KAT6A: variants seen among roughly 807,000 people sequenced by gnomAD.
KAT6A encodes lysine acetyltransferase 6A.
A neutral mutation model predicts 198.4 loss-of-function variants in KAT6A; 9 were observed. The ratio of observed to expected loss-of-function variants is 0.05; its 90% CI spans 0.03 to 0.08. The LOEUF (loss-of-function observed/expected upper bound fraction) is 0.08, where lower values mean the gene tolerates loss of function less well. Among genes scored for constraint, KAT6A ranks in the 10% least tolerant of loss-of-function variants. The pLI is 1.00. For synonymous variants in KAT6A, 890 were observed against 883.0 expected (o/e 1.01, Z -0.14); for missense variants, 2,077 against 2,509.9 (o/e 0.83, Z 3.69).
intron 2 of KAT6A, among the ~76,000 whole-genome samples, chr8:42,009,296 G>C (rs1476199233): frequency 1.3e-5 from 2 of 151,860 alleles, no homozygotes; most frequent in Admixed American, 6.6e-5. Context: ...AATATTAAAA[G>C]GTAATGCTAT....
Position 41,946,539 on chromosome 8 carries a change from CACAG to C in KAT6A, c.1996+48_1996+51del, listed in dbSNP as rs1416789873. The C allele has an allele frequency of 2.4e-5, 21 of 876,744 alleles. No homozygotes were observed. The East Asian group carries it at 4.9e-4, about 21-fold the overall frequency. 54.3% of individuals were successfully genotyped at this position (876,744 alleles called of 1,614,324 possible). ...ACACACACACACACACACACACACA[CACAG>C]AGAAGGTCCACTGGAAAAGACCAAT... On this transcript the variant is annotated intron_variant, in intron 12 of 16. Coordinates refer to ENST00000265713, the MANE Select transcript of KAT6A (RefSeq NM_006766.5).
chr8:41,979,997 G>A (rs1824267435), intron 5 of KAT6A, among the ~76,000 whole-genome samples: 1 of 152,154 alleles, frequency 6.6e-6, no homozygotes. Flanking sequence ...GGTGGAATAA[G>A]TGAATTCAAG....
intron 15 of KAT6A, 139 bp from the exon 16 acceptor site, chr8:41,937,707 A>G (rs1821924361): frequency 1.6e-6 from 1 of 633,234 alleles, no homozygotes; most frequent in Non-Finnish European, 2.7e-6. Context: ...TTTGAATATT[A>G]TTTCAAAATA....
intron 14 of KAT6A, among the ~76,000 whole-genome samples, chr8:41,941,658 T>G (rs967154271): frequency 2.0e-5 from 3 of 152,174 alleles, no homozygotes; most frequent in African/African-American, 7.2e-5. Flanking sequence ...TCATATGAAG[T>G]ATTACCACTA....
At chr8:42,049,360 A>C (rs910631348) in intron 1 of KAT6A, 58 bp from the exon 2 acceptor site, 1 of 241,290 alleles carries the variant, frequency 4.1e-6, no homozygotes, top group Non-Finnish European at 8.1e-6. Context: ...GAATGAAAAT[A>C]AGCATCCTCA....
At chr8:42,014,931 C>T (rs892688101) in intron 2 of KAT6A, among the ~76,000 whole-genome samples, 1 of 152,080 alleles carries the variant, frequency 6.6e-6, no homozygotes, top group Admixed American at 6.5e-5. Flanking sequence ...TTCAGGATTA[C>T]GCTAGGAAAG....
At chr8:41,997,401 G>C (rs1317635591) in intron 2 of KAT6A, among the ~76,000 whole-genome samples, 1 of 151,854 alleles carries the variant, frequency 6.6e-6, no homozygotes, top group Non-Finnish European at 1.5e-5. Flanking sequence ...AAATATAATT[G>C]TAGCCCATCA....
intron 2 of KAT6A, among the ~76,000 whole-genome samples, chr8:42,036,378 A>G (rs1424999478): frequency 6.6e-6 from 1 of 152,162 alleles, no homozygotes; most frequent in Non-Finnish European, 1.5e-5. Flanking sequence ...TGGGAGGCCA[A>G]GGTGGGCAGA....
At chr8:41,947,537 C>T (rs1822458480) in intron 11 of KAT6A, among the ~76,000 whole-genome samples, 1 of 152,138 alleles carries the variant, frequency 6.6e-6, no homozygotes. Flanking sequence ...TGAGTATTGC[C>T]AGCAGTCCAT....
Position 41,977,164 on chromosome 8 carries a change from T to C in KAT6A, c.1207A>G (p.Asn403Asp). ...CRDSNVSLKF[N>D]KKTKGLIDGL... is the part of the protein sequence containing the mutation. The stretch of plus-strand genomic sequence containing the variant: ...TCAATGAGCCCTTTGGTTTTCTTGT[T>C]GAACTTCAAGGAGACATTGCTATCT... Residue 403 changes from asparagine to aspartate, a missense_variant, in exon 7 of 17, where the codon AAC becomes GAC. Around this residue, in one of 13 missense-constraint regions of KAT6A, gnomAD observed 206 missense variants for 214.9 expected, o/e 0.96. Transcript: ENST00000265713. 4 of 1,614,186 alleles carry C rather than the reference T, an allele frequency of 2.5e-6. No individual in the cohort carries two copies. Among genetic ancestry groups the C allele is most frequent in the Non-Finnish European group, 3.4e-6 (4 of 1,180,016 alleles).
rs143069881 is a variant in KAT6A, at chr8:41,975,474, T to C, written c.1364-652A>G. Among the ~76,000 whole-genome samples the C allele has an allele frequency of 2.2e-3, 337 of 152,320 alleles. 1 individual carries two copies. The highest frequency in any genetic ancestry group is 7.8e-3 in the African/African-American group (325 of 41,574). On this transcript the variant is annotated intron_variant, in intron 7 of 16. Coordinates refer to ENST00000265713, the MANE Select transcript of KAT6A (RefSeq NM_006766.5). ...GAAGATGACACTGCTGTTGGGCTCA[T>C]TTGCTCTCTTTATAAGTATGGCTGA...
chr8:41,943,552 C>CAT (rs1302976477), intron 13 of KAT6A, among the ~76,000 whole-genome samples, 196 bp downstream of exon 13: 1 of 151,884 alleles, frequency 6.6e-6, no homozygotes, highest in African/African-American at 2.4e-5. Context: ...GTTTAAAAAG[C>CAT]ATATATATAG....
chr8:42,000,268 T>C (rs533815816), intron 2 of KAT6A, among the ~76,000 whole-genome samples: 62 of 152,302 alleles, frequency 4.1e-4, no homozygotes, highest in Non-Finnish European at 8.1e-4. Flanking sequence ...GAAGTGATGG[T>C]TGCCAGGCCC....
At chr8:41,998,396 C>T (rs756137933) in intron 2 of KAT6A, among the ~76,000 whole-genome samples, 4 of 152,104 alleles carry the variant, frequency 2.6e-5, no homozygotes, top group African/African-American at 7.2e-5. Flanking sequence ...TGTTCTAAAA[C>T]GTATGGTTCT....
chr8:41,940,545 T>C (rs929092759), intron 15 of KAT6A, among the ~76,000 whole-genome samples: 3 of 152,190 alleles, frequency 2.0e-5, no homozygotes, highest in African/African-American at 7.2e-5. Flanking sequence ...AAAGTCATGA[T>C]TTGAACATCA....
chr8:42,047,367 CAGAGT>C (rs1370347454), intron 2 of KAT6A, among the ~76,000 whole-genome samples: 3 of 152,146 alleles, frequency 2.0e-5, no homozygotes, highest in Non-Finnish European at 4.4e-5. Flanking sequence ...TAAAACACAA[CAGAGT>C]AAAGTACACA....
chr8:41,970,651 G>C (rs893169419), intron 8 of KAT6A, among the ~76,000 whole-genome samples: 6 of 152,194 alleles, frequency 3.9e-5, no homozygotes, highest in African/African-American at 1.4e-4. Flanking sequence ...AAGAATCATG[G>C]AAGACAGTGT....
chr8:41,965,457 A>G (rs1351127581), intron 8 of KAT6A, among the ~76,000 whole-genome samples: 1 of 152,230 alleles, frequency 6.6e-6, no homozygotes, highest in East Asian at 1.9e-4. Context: ...TATGCCCTCA[A>G]AAATGACTTT....
rs369725378 is a variant in KAT6A, at chr8:41,934,283, C to G, written c.3937G>C (p.Asp1313His). The part of the protein sequence containing the change: ...DAAAETAQND[D>H]HDADDEDDGH... ...TCATCCTCATCATCAGCGTCGTGGT[C>G]GTCATTCTGGGCAGTCTCTGCAGCT... The change falls in exon 17 of 17, where the codon GAC becomes CAC. Residue 1313 changes from aspartate (D) to histidine (H), a missense_variant. Asp to His is a moderately conservative substitution (Grantham distance 81). Around this residue, in one of 13 missense-constraint regions of KAT6A, gnomAD observed 375 missense variants for 383.0 expected, o/e 0.98. Transcript: ENST00000265713. 6.2e-7 allele frequency: 1 copy of G among 1,614,104 alleles called. No homozygotes were observed. The highest frequency in any genetic ancestry group is 1.1e-5 in the South Asian group (1 of 91,068).
Sources: allele counts gnomAD v4.1 joint callset (sites outside exome capture counted in the v4.1 genomes callset), GRCh38; gene constraint gnomAD v4.1.1; regional missense constraint gnomAD v4.1.1; transcripts MANE v1.5; gene names NCBI Gene and HGNC (gene_info 2026-07-23, HGNC 2026-07-21).